Variants in C12orf42 observed in about 807,000 individuals in gnomAD.
C12orf42 encodes uncharacterized protein C12orf42.
In C12orf42, 25 loss-of-function variants were observed where a neutral mutation model predicts 21.6. The observed-to-expected ratio is 1.16, with a 90% CI of 0.84 to 1.62. C12orf42 has a LOEUF of 1.62. C12orf42 is among the 40% of genes most tolerant of loss of function. C12orf42 has a pLI of 0.00. For synonymous variants in C12orf42, 174 were observed against 175.0 expected (o/e 0.99, Z 0.05); for missense variants, 483 against 459.3 (o/e 1.05, Z -0.47).
chr12:103,354,894 A>G (rs572308145), intron 4 of C12orf42, among the ~76,000 whole-genome samples: 2 of 152,174 alleles, frequency 1.3e-5, no homozygotes, highest in East Asian at 3.9e-4. Context: ...TTATCAAATA[A>G]CTAGAAGAGG....
chr12:103,493,042 C>T (rs1197104301), intron 1 of C12orf42, among the ~76,000 whole-genome samples: 2 of 152,200 alleles, frequency 1.3e-5, no homozygotes, highest in Admixed American at 1.3e-4. Context: ...TGTTGCTTGT[C>T]TGGATTACTA....
At chr12:103,080,995 A>G in the C12orf42 span, 1 of 152,178 alleles carries the variant, frequency 6.6e-6, no homozygotes, top group Non-Finnish European at 1.5e-5. Flanking sequence ...CTACAATGCT[A>G]TGTTTTGCCT....
At chr12:103,510,957 G>A in the C12orf42 span, among the ~76,000 whole-genome samples, 1 of 152,202 alleles carries the variant, frequency 6.6e-6, no homozygotes, top group Admixed American at 6.5e-5. Context: ...TAGTCAGTGG[G>A]AGACATTGTG....
At chr12:103,119,504 C>T in the C12orf42 span, among the ~76,000 whole-genome samples, 1 of 152,034 alleles carries the variant, frequency 6.6e-6, no homozygotes, top group Non-Finnish European at 1.5e-5. Context: ...TGGTGGCAGA[C>T]AAAAATGTGG....
intron 2 of C12orf42, among the ~76,000 whole-genome samples, chr12:103,463,328 G>T (rs1168860299): frequency 6.6e-6 from 1 of 152,098 alleles, no homozygotes; most frequent in East Asian, 1.9e-4. Context: ...GGTTAATTTG[G>T]CCAGACTCAA....
At chr12:103,412,727 G>A (rs534979352) in intron 2 of C12orf42, among the ~76,000 whole-genome samples, 1 of 152,230 alleles carries the variant, frequency 6.6e-6, no homozygotes, top group South Asian at 2.1e-4. Flanking sequence ...GTGATGCTGG[G>A]CATTTTTCAT....
chr12:103,501,289 AG>A, the C12orf42 span, among the ~76,000 whole-genome samples: 2 of 152,198 alleles, frequency 1.3e-5, no homozygotes, highest in Non-Finnish European at 2.9e-5. Context: ...TGTCAAAAAA[AG>A]GGGGGATAAT....
the C12orf42 span, among the ~76,000 whole-genome samples, chr12:103,552,589 C>A: frequency 6.6e-6 from 1 of 151,996 alleles, no homozygotes; most frequent in Admixed American, 6.6e-5. Context: ...ACATTTTCAC[C>A]CTAGAGACAA....
chr12:103,432,181 G>A (rs1249466103), intron 2 of C12orf42, among the ~76,000 whole-genome samples: 1 of 152,094 alleles, frequency 6.6e-6, no homozygotes, highest in Non-Finnish European at 1.5e-5. Flanking sequence ...TTCCTATAAG[G>A]TCATACACCA....
the C12orf42 span, chr12:103,162,973 A>G: frequency 1.3e-5 from 2 of 152,224 alleles, no homozygotes; most frequent in African/African-American, 4.8e-5. Context: ...TTCACCAGGT[A>G]GAAACAGTAA....
chr12:103,463,084 C>T (rs1279483246), intron 2 of C12orf42, among the ~76,000 whole-genome samples: 1 of 152,168 alleles, frequency 6.6e-6, no homozygotes, highest in Non-Finnish European at 1.5e-5. Context: ...TGGGATCGCT[C>T]TTAAAATCAA....
At chr12:103,345,021 G>C (rs1481466453) in intron 4 of C12orf42, among the ~76,000 whole-genome samples, 2 of 152,104 alleles carry the variant, frequency 1.3e-5, no homozygotes, top group South Asian at 2.1e-4. Flanking sequence ...CTGACTTTTG[G>C]AATTAGGCAG....
chr12:103,310,198 G>A (rs944736640), intron 4 of C12orf42, among the ~76,000 whole-genome samples: 2 of 152,074 alleles, frequency 1.3e-5, no homozygotes, highest in Non-Finnish European at 2.9e-5. Context: ...TAGTGAGTGA[G>A]TTATCCTGAG....
rs537323518 is a variant in C12orf42, at chr12:103,256,327, G to A, written c.*1366+6999C>T. ...CTTTTTGAATCCTCACTTTAAAATA[G>A]ATAGAGCAATTAAATAGCAAAACCA... is the stretch of plus-strand genomic sequence containing the variant. On this transcript the variant is annotated intron_variant and NMD_transcript_variant, in intron 10 of 10. Coordinates refer to the C12orf42 transcript ENST00000547347. Among the ~76,000 whole-genome samples, 7 of 151,020 alleles carry A rather than the reference G, an allele frequency of 4.6e-5. No homozygotes were observed. The South Asian group carries it at 1.5e-3, about 32-fold the overall frequency.
At chr12:103,105,027 C>T in the C12orf42 span, among the ~76,000 whole-genome samples, 1 of 152,196 alleles carries the variant, frequency 6.6e-6, no homozygotes, top group Non-Finnish European at 1.5e-5. Flanking sequence ...CATTTCCACA[C>T]TGCACTGGTA....
intron 10 of C12orf42, among the ~76,000 whole-genome samples, chr12:103,257,955 TAGAAA>T (rs1214101162): frequency 1.2e-4 from 18 of 152,048 alleles, no homozygotes; most frequent in South Asian, 4.1e-4. Flanking sequence ...TATGGTCATC[TAGAAA>T]AGAAAAGTCA....
chr12:103,302,609 G>GTGTGGTCCCGCACGCTT, intron 5 of C12orf42, 50 bp from the exon 6 acceptor site: 2 of 1,483,592 alleles, frequency 1.3e-6, no homozygotes, highest in Non-Finnish European at 1.8e-6. Context: ...CAAGCGTGCG[G>GTGTGGTCCCGCACGCTT]GACCACACCG....
At chr12:103,085,523 A>C in the C12orf42 span, among the ~76,000 whole-genome samples, 1 of 152,078 alleles carries the variant, frequency 6.6e-6, no homozygotes, top group Non-Finnish European at 1.5e-5. Flanking sequence ...CCTGCTGCAA[A>C]ATTATTCGAA....
At chr12:103,166,026 C>T in the C12orf42 span, among the ~76,000 whole-genome samples, 1 of 144,706 alleles carries the variant, frequency 6.9e-6, no homozygotes, top group African/African-American at 2.5e-5. Flanking sequence ...GGTGACAGAG[C>T]GAGACTCCGT....
Sources: allele counts gnomAD v4.1 joint callset (sites outside exome capture counted in the v4.1 genomes callset), GRCh38; gene constraint gnomAD v4.1.1; transcripts MANE v1.5; gene names NCBI Gene and HGNC (gene_info 2026-07-23, HGNC 2026-07-21).